The following ABCB1 variants were observed in gnomAD, a reference collection of about 807,000 sequenced individuals.
ABCB1 encodes ATP-dependent translocase ABCB1.
A neutral mutation model predicts 142.0 loss-of-function variants in ABCB1; 69 were observed. That is an observed-to-expected ratio of 0.49 (90% CI 0.40 to 0.59). ABCB1 has a LOEUF of 0.59. Among genes scored for constraint, ABCB1 ranks in the 20% least tolerant of loss-of-function variants. The probability of loss-of-function intolerance (pLI) is 0.00; values close to 1 mark genes in which losing one functional copy is unlikely to be tolerated. For synonymous variants in ABCB1, 532 were observed against 539.2 expected, an observed-to-expected ratio of 0.99 and a Z score of 0.18; for missense variants, 1,326 against 1,554.7, an observed-to-expected ratio of 0.85 and a Z score of 2.47.
chr7:87,592,495 T>C (rs570906067), intron 3 of ABCB1, among the ~76,000 whole-genome samples: 1 of 152,304 alleles, frequency 6.6e-6, no homozygotes, highest in Admixed American at 6.5e-5. Flanking sequence ...GGTGGCGTAG[T>C]CTTTGATGAT....
rs1816699849 is a variant in ABCB1 at position 87,544,830 on chromosome 7, T to A, written c.2057A>T (p.Glu686Val). ...QAQDRKLSTK[E>V]ALDESIPPVS... ...CCGCATCTCCCTTCATACCAGAGCCTCTTTGGTACTAAGCTTTCTGTCTTG... is the reference window on the plus strand; with the variant it reads ...CCGCATCTCCCTTCATACCAGAGCCACTTTGGTACTAAGCTTTCTGTCTTG... Residue 686 changes from glutamate to valine, a missense_variant, in exon 16 of 28, where the codon GAG (glutamate) becomes GTG (valine). Coordinates refer to ENST00000622132, the MANE Select transcript of ABCB1 (RefSeq NM_001348946.2). 6.2e-7 allele frequency: 1 copy of A among 1,613,898 alleles called. No individual in the cohort carries two copies. The highest frequency in any genetic ancestry group is 8.5e-7 in the Non-Finnish European group (1 of 1,179,990).
chr7:87,642,757 A>G (rs1429830819), intron 1 of ABCB1, among the ~76,000 whole-genome samples: 2 of 152,080 alleles, frequency 1.3e-5, no homozygotes, highest in African/African-American at 2.4e-5. Flanking sequence ...ATGTTTGGCA[A>G]TCTGCTGTCA....
chr7:87,584,392 C>T lies in ABCB1; in HGVS notation c.286+1120G>A, dbSNP rs28381830. On this transcript the variant is annotated intron_variant, in intron 4 of 27. Transcript: ENST00000622132. ...AGTGGTATCACTACATTTTCAAGTA[C>T]GTTATCAAACAGGCATTTTCAACAT... is the stretch of plus-strand genomic sequence containing the variant. 8.5e-5 allele frequency among the ~76,000 whole-genome samples: 13 copies of T among 152,240 alleles called. No homozygotes were observed. In the East Asian group the frequency reaches 1.9e-3, roughly 23 times the overall value.
chr7:87,676,559 C>A (rs186507109), intron 1 of ABCB1, among the ~76,000 whole-genome samples: 83 of 151,946 alleles, frequency 5.5e-4, no homozygotes, highest in African/African-American at 1.8e-3. Context: ...CAATAATTAG[C>A]CAGGTATAGT....
chr7:87,551,424 C>T (rs1008035799), intron 9 of ABCB1, among the ~76,000 whole-genome samples: 1 of 152,198 alleles, frequency 6.6e-6, no homozygotes, highest in Non-Finnish European at 1.5e-5. Flanking sequence ...TGTGTGTATA[C>T]ATAAACATCA....
intron 1 of ABCB1, among the ~76,000 whole-genome samples, chr7:87,623,785 C>T (rs1820311762): frequency 6.6e-6 from 1 of 152,088 alleles, no homozygotes; most frequent in African/African-American, 2.4e-5. Flanking sequence ...ACCTTTCCCT[C>T]CCAGTAGATT....
At chr7:87,559,876 C>G (rs1407962389) in intron 8 of ABCB1, among the ~76,000 whole-genome samples, 2 of 152,162 alleles carry the variant, frequency 1.3e-5, no homozygotes, top group Non-Finnish European at 2.9e-5. Context: ...TGCTGTTGGG[C>G]TGTTGGGCAT....
chr7:87,516,731 CTTT>C (rs546527484), intron 23 of ABCB1, 66 bp from the exon 24 acceptor site: 28,147 of 778,986 alleles, frequency 0.036, 3 homozygotes, highest in Non-Finnish European at 0.04. Flanking sequence ...GCTGACACTC[CTTT>C]TTTTTTTTTT....
chr7:87,519,540 G>T lies in ABCB1; in HGVS notation c.2787-74C>A, dbSNP rs1388102942. ...TTAAAATGTAACTTTTGATAGGTTG[G>T]CAGTAGGGCACAGAGGCATGACCAA... On this transcript the variant is annotated intron_variant, in intron 22 of 27. Transcript: ENST00000622132. The T allele has an allele frequency of 1.9e-6, 3 of 1,586,314 alleles. No individual in the cohort carries two copies. The East Asian group carries it at 6.7e-5, about 36-fold the overall frequency.
intron 1 of ABCB1, among the ~76,000 whole-genome samples, chr7:87,703,915 T>TTTTTTTTTTTTTTTTTTTTTTTTTTG (rs1829356652): frequency 5.4e-5 from 1 of 18,528 alleles, no homozygotes; most frequent in African/African-American, 2.1e-4. Flanking sequence ...TTTTTTTTGG[T>TTTTTTTTTTTTTTTTTTTTTTTTTTG]TTTTTTTTTT....
chr7:87,522,442 A>G (rs1815557821), intron 21 of ABCB1: 1 of 598,268 alleles, frequency 1.7e-6, no homozygotes, highest in Non-Finnish European at 3.2e-6. Flanking sequence ...AAATCTTAGC[A>G]GGAGATAAGA....
At chr7:87,587,350 A>C (rs986540014) in intron 3 of ABCB1, among the ~76,000 whole-genome samples, 2 of 152,238 alleles carry the variant, frequency 1.3e-5, no homozygotes, top group Non-Finnish European at 2.9e-5. Context: ...ATGAAAGTAG[A>C]CATTTACTGA....
rs1244149453 is a variant in ABCB1 at position 87,521,916 on chromosome 7, T to C, written c.2686-1040A>G. ...AGAAAAGGGGCTTTGCTTTAGTAAC[T>C]TTTGACGACCATGACTCCATGGGTA... On this transcript the variant is annotated intron_variant, in intron 21 of 27. Transcript: ENST00000622132. 6.2e-5 allele frequency: 48 copies of C among 778,322 alleles called. No homozygotes were observed. In the Admixed American group the frequency reaches 8.2e-4, roughly 13 times the overall value. 48.2% of individuals were successfully genotyped at this position (778,322 alleles called of 1,614,324 possible). A position where few individuals can be genotyped will look rare whatever the true frequency, so the allele number is the denominator to read the frequency against.
intron 4 of ABCB1, among the ~76,000 whole-genome samples, chr7:87,580,384 GA>G (rs1818458316): frequency 2.0e-5 from 3 of 152,258 alleles, no homozygotes. Context: ...ACTCTCTTCA[GA>G]CCTGTAAAGT....
At chr7:87,628,917 G>A in intron 1 of ABCB1, 1 of 1,309,972 alleles carries the variant, frequency 7.6e-7, no homozygotes, top group Non-Finnish European at 9.8e-7. Context: ...TGCTGCGGTG[G>A]AGAGGAGGAA....
intron 1 of ABCB1, chr7:87,650,874 T>G (rs1390926547): frequency 6.2e-7 from 1 of 1,613,364 alleles, no homozygotes; most frequent in Non-Finnish European, 8.5e-7. Context: ...AATTGATGAT[T>G]CTTCTCCTGA....
intron 1 of ABCB1, among the ~76,000 whole-genome samples, chr7:87,684,533 G>A (rs767645858): frequency 4.6e-5 from 7 of 151,948 alleles, no homozygotes; most frequent in Non-Finnish European, 8.8e-5. Flanking sequence ...CGGATCATGA[G>A]GTCAAGAGAT....
chr7:87,529,518 C>A (rs1815938900), intron 21 of ABCB1, among the ~76,000 whole-genome samples: 1 of 152,178 alleles, frequency 6.6e-6, no homozygotes, highest in Non-Finnish European at 1.5e-5. Context: ...ACACATAATT[C>A]ATTTCCATCT....
intron 1 of ABCB1, among the ~76,000 whole-genome samples, chr7:87,703,914 G>GT (rs35797972): frequency 1.2e-3 from 50 of 42,988 alleles, no homozygotes; most frequent in African/African-American, 2.7e-3. Context: ...TTTTTTTTTG[G>GT]TTTTTTTTTT....
Sources: allele counts gnomAD v4.1 joint callset (sites outside exome capture counted in the v4.1 genomes callset), GRCh38; gene constraint gnomAD v4.1.1; transcripts MANE v1.5; gene names NCBI Gene and HGNC (gene_info 2026-07-23, HGNC 2026-07-21).